The following STX18 variants were observed in gnomAD, a reference collection of about 807,000 sequenced individuals.
STX18 encodes syntaxin 18, also known as syntaxin-18.
In STX18, 40 loss-of-function variants were observed where a neutral mutation model predicts 50.1. The observed-to-expected ratio is 0.80, with a 90% CI of 0.62 to 1.04. The LOEUF is 1.04. Among genes scored for constraint, STX18 ranks in the 50% least tolerant of loss-of-function variants. The pLI is 0.00. For missense variants in STX18, 410 were observed against 415.8 expected, an observed-to-expected ratio of 0.99 and a Z score of 0.12; for synonymous variants, 158 against 151.8, an observed-to-expected ratio of 1.04 and a Z score of -0.30.
intron 5 of STX18, among the ~76,000 whole-genome samples, chr4:4,446,937 C>T (rs903261665): frequency 1.3e-5 from 2 of 152,164 alleles, no homozygotes; most frequent in African/African-American, 4.8e-5. Context: ...TACTTTCATG[C>T]AATGCAATAC....
intron 9 of STX18, among the ~76,000 whole-genome samples, chr4:4,421,546 C>A (rs911800855): frequency 6.6e-6 from 1 of 152,184 alleles, no homozygotes; most frequent in Non-Finnish European, 1.5e-5. Flanking sequence ...TGAGCCACCG[C>A]GCAGGGCTGA....
At chr4:4,433,934 C>A (rs1219063346) in intron 7 of STX18, among the ~76,000 whole-genome samples, 1 of 152,226 alleles carries the variant, frequency 6.6e-6, no homozygotes, top group Non-Finnish European at 1.5e-5. Context: ...GGGCAAGACC[C>A]TTTGCTGCCT....
intron 1 of STX18, chr4:4,507,905 G>C: frequency 2.0e-6 from 1 of 511,024 alleles, no homozygotes; most frequent in South Asian, 2.8e-5. Flanking sequence ...AGCCTAGAAA[G>C]GAAGCATTCC....
At chr4:4,443,359 A>G (rs1344750877) in intron 5 of STX18, among the ~76,000 whole-genome samples, 1 of 152,270 alleles carries the variant, frequency 6.6e-6, no homozygotes, top group Non-Finnish European at 1.5e-5. Context: ...ACTGCTCTAG[A>G]GCAATCAAAC....
intron 1 of STX18, among the ~76,000 whole-genome samples, chr4:4,494,225 A>G (rs1403553125): frequency 1.3e-5 from 2 of 152,246 alleles, no homozygotes; most frequent in Admixed American, 6.5e-5. Flanking sequence ...TGTACACTAC[A>G]TATTGTACAG....
At chr4:4,449,495 A>C (rs1237465402) in intron 5 of STX18, among the ~76,000 whole-genome samples, 1 of 152,196 alleles carries the variant, frequency 6.6e-6, no homozygotes, top group Non-Finnish European at 1.5e-5. Context: ...TCACGGCCTC[A>C]ACACACAATA....
intron 7 of STX18, among the ~76,000 whole-genome samples, chr4:4,427,449 A>G (rs751751591): frequency 1.3e-5 from 2 of 152,246 alleles, no homozygotes; most frequent in Non-Finnish European, 2.9e-5. Context: ...TTAAGAGGAC[A>G]GTATTTAAGG....
chr4:4,460,510 G>T (rs934923672), intron 2 of STX18, among the ~76,000 whole-genome samples: 13 of 152,004 alleles, frequency 8.6e-5, no homozygotes, highest in Non-Finnish European at 1.8e-4. Flanking sequence ...AAAAGAAAGG[G>T]GTAAGATGAG....
At chr4:4,518,020 G>A (rs986939870) in intron 1 of STX18, among the ~76,000 whole-genome samples, 5 of 152,180 alleles carry the variant, frequency 3.3e-5, no homozygotes, top group African/African-American at 1.2e-4. Flanking sequence ...TGATCCGCCT[G>A]CCTTGGCCTC....
chr4:4,487,489 C>T (rs1222955219), intron 1 of STX18, among the ~76,000 whole-genome samples: 1 of 152,208 alleles, frequency 6.6e-6, no homozygotes, highest in Non-Finnish European at 1.5e-5. Flanking sequence ...TGCCCAAAGG[C>T]ACACACCTGG....
intron 1 of STX18, among the ~76,000 whole-genome samples, chr4:4,511,809 C>G (rs936343530): frequency 1.3e-5 from 2 of 150,458 alleles, no homozygotes; most frequent in African/African-American, 2.4e-5. Flanking sequence ...TTCTAGCTAG[C>G]TTTCCAAAAC....
chr4:4,530,214 T>C (rs1192380724), intron 1 of STX18, among the ~76,000 whole-genome samples: 9 of 152,000 alleles, frequency 5.9e-5, no homozygotes, highest in Admixed American at 5.9e-4. Context: ...AGCAGAAAAA[T>C]AAATCACCCA....
At chr4:4,445,529 C>T (rs1726348193) in intron 5 of STX18, among the ~76,000 whole-genome samples, 1 of 151,768 alleles carries the variant, frequency 6.6e-6, no homozygotes, top group African/African-American at 2.4e-5. Context: ...AATTGTATTT[C>T]TATATACTAG....
intron 1 of STX18, among the ~76,000 whole-genome samples, chr4:4,474,916 G>A (rs1306631743): frequency 2.6e-5 from 4 of 152,202 alleles, no homozygotes; most frequent in African/African-American, 7.2e-5. Flanking sequence ...CAAGTTTGAT[G>A]TAATTGGTTA....
intron 2 of STX18, among the ~76,000 whole-genome samples, chr4:4,463,927 G>T (rs1258379896): frequency 1.3e-5 from 2 of 152,128 alleles, no homozygotes; most frequent in Non-Finnish European, 2.9e-5. Context: ...AGTGCAAGTA[G>T]ACAAAGCATC....
intron 6 of STX18, among the ~76,000 whole-genome samples, chr4:4,435,222 CT>C (rs1725714808): frequency 6.6e-6 from 1 of 151,958 alleles, no homozygotes; most frequent in South Asian, 2.1e-4. Context: ...ACATACACCC[CT>C]GTCTACTTTT....
rs974752588 is a variant in STX18 at position 4,507,583 on chromosome 4, C to G, written c.168+34214G>C. On this transcript the variant is annotated intron_variant, in intron 1 of 10. Transcript: ENST00000306200. ...TGCACTCTGACAGCTGTGCACGACG[C>G]AAGCCTTGAGGACTTGATCTTCCCA... The G allele has an allele frequency of 7.9e-6, 6 of 763,494 alleles. No homozygotes were observed. The African/African-American group carries it at 1.0e-4, about 13-fold the overall frequency. 47.3% of individuals were successfully genotyped at this position (763,494 alleles called of 1,614,324 possible). A position where few individuals can be genotyped will look rare whatever the true frequency, so the allele number is the denominator to read the frequency against.
chr4:4,443,097 C>A (rs1343665959), intron 5 of STX18, among the ~76,000 whole-genome samples: 1 of 152,178 alleles, frequency 6.6e-6, no homozygotes, highest in African/African-American at 2.4e-5. Flanking sequence ...CAGTGTGACT[C>A]CTATGGAGGG....
intron 1 of STX18, among the ~76,000 whole-genome samples, chr4:4,516,423 A>G (rs988850487): frequency 2.0e-4 from 30 of 152,238 alleles, no homozygotes; most frequent in South Asian, 2.1e-4. Context: ...GTTAATTGCT[A>G]CATCTCGTAC....
Sources: allele counts gnomAD v4.1 joint callset (sites outside exome capture counted in the v4.1 genomes callset), GRCh38; gene constraint gnomAD v4.1.1; transcripts MANE v1.5; gene names NCBI Gene and HGNC (gene_info 2026-07-23, HGNC 2026-07-21).